AHCY: variants seen among roughly 807,000 people sequenced by gnomAD.
AHCY encodes S-adenosyl-L-homocysteine hydrolase.
Under a neutral mutation model 45.4 loss-of-function variants are expected in AHCY, and 24 were observed. That is an observed-to-expected ratio of 0.53 (90% CI 0.38 to 0.74). The LOEUF is 0.74. Ranked by LOEUF, AHCY falls within the 30% of genes least tolerant of loss-of-function variation. The probability of loss-of-function intolerance (pLI) is 0.00; values close to 1 mark genes in which losing one functional copy is unlikely to be tolerated. For missense variants in AHCY, 449 were observed against 594.1 expected, an observed-to-expected ratio of 0.76 and a Z score of 2.54; for synonymous variants, 245 against 235.1, an observed-to-expected ratio of 1.04 and a Z score of -0.39.
chr20:34,272,047 A>AG, the AHCY span, among the ~76,000 whole-genome samples: 1 of 19,870 alleles, frequency 5.0e-5, no homozygotes, highest in Non-Finnish European at 1.1e-3. Flanking sequence ...ACGTGCCTCC[A>AG]AAAAAAAAAA....
chr20:34,247,931 C>T, the AHCY span, among the ~76,000 whole-genome samples: 3 of 152,086 alleles, frequency 2.0e-5, no homozygotes, highest in African/African-American at 4.8e-5. Flanking sequence ...GAAGGCCGGG[C>T]GCAGTGGCAC....
chr20:34,260,482 G>C, the AHCY span: 1 of 1,614,082 alleles, frequency 6.2e-7, no homozygotes, highest in East Asian at 2.2e-5. Context: ...ACAGGAGCCT[G>C]AGAAGCAACT....
chr20:34,253,482 T>C, the AHCY span, among the ~76,000 whole-genome samples: 4 of 150,866 alleles, frequency 2.7e-5, no homozygotes, highest in Non-Finnish European at 5.9e-5. Flanking sequence ...TTTATTTATT[T>C]ATTTTTTAGA....
rs1391338848 is a variant in AHCY at position 34,292,504 on chromosome 20, T to C, written c.299A>G (p.Tyr100Cys). The C allele has an allele frequency of 6.2e-7, 1 of 1,614,034 alleles. No individual in the cohort carries two copies. The highest frequency in any genetic ancestry group is 8.5e-7 in the Non-Finnish European group (1 of 1,180,036). ...CTCGTCCGTTTCGCCCTTCCAGGCA[T>C]ACACTGGAGGGTGAGTGGCACATCA... is the stretch of plus-strand genomic sequence containing the variant. ...AAIAKAGIPV[Y>C]AWKGETDEEY... is the part of the protein sequence containing the mutation. The change falls in exon 4 of 10, where the codon TAT becomes TGT. Residue 100 changes from tyrosine to cysteine, a missense_variant. Transcript: ENST00000217426.
downstream of AHCY, among the ~76,000 whole-genome samples, chr20:34,277,249 G>C (rs1456672013): frequency 6.6e-6 from 1 of 152,108 alleles, no homozygotes; most frequent in Non-Finnish European, 1.5e-5. Flanking sequence ...ACATGGACTC[G>C]GGTGGGACAC....
the AHCY span, among the ~76,000 whole-genome samples, chr20:34,258,700 A>ATATATATATATATATATACATAC: frequency 1.3e-5 from 1 of 77,918 alleles, no homozygotes; most frequent in Non-Finnish European, 2.4e-5. Context: ...TACATACTAT[A>ATATATATATATATATATACATAC]TATATATATT....
chr20:34,307,239 T>A (rs1158903192), upstream of AHCY, among the ~76,000 whole-genome samples: 1 of 150,240 alleles, frequency 6.7e-6, no homozygotes, highest in African/African-American at 2.5e-5. Context: ...CAGGTGCATG[T>A]CGCTACCACC....
At position 34,291,339 on chromosome 20, in the gene AHCY, C is replaced by T. The variant is rs1312738146; in HGVS notation, c.558+80G>A. 3 of 1,334,050 alleles carry T rather than the reference C, an allele frequency of 2.2e-6. No individual in the cohort carries two copies. In the South Asian group the frequency reaches 3.5e-5, roughly 16 times the overall value. The allele number at this position is 1,334,050 out of a possible 1,614,324, so 82.6% of individuals were successfully genotyped here. Reference sequence around the variant, plus strand: ...AGGGCTTCATGTCCCTAATCTCAGCCTTCCTGGGCACTCTTCTTCAGAGGC... The same window carrying T: ...AGGGCTTCATGTCCCTAATCTCAGCTTTCCTGGGCACTCTTCTTCAGAGGC... On this transcript the variant is annotated intron_variant, in intron 5 of 9. Transcript: ENST00000217426.
At chr20:34,258,697 T>TATATATATATATTATATATATTATAAA in the AHCY span, among the ~76,000 whole-genome samples, 1 of 13,134 alleles carries the variant, frequency 7.6e-5, no homozygotes, top group African/African-American at 1.1e-4. Context: ...ATATACATAC[T>TATATATATATATTATATATATTATAAA]ATATATATAT....
At chr20:34,243,861 G>A in the AHCY span, among the ~76,000 whole-genome samples, 5 of 151,564 alleles carry the variant, frequency 3.3e-5, no homozygotes, top group East Asian at 3.9e-4. Context: ...TCAGGAGATC[G>A]AGACCATCCT....
At chr20:34,248,161 G>A in the AHCY span, among the ~76,000 whole-genome samples, 2 of 151,462 alleles carry the variant, frequency 1.3e-5, no homozygotes, top group Non-Finnish European at 1.5e-5. Flanking sequence ...AGCCAAGATC[G>A]CACCACTGCA....
intron 1 of AHCY, among the ~76,000 whole-genome samples, chr20:34,299,453 A>G (rs2122809889): frequency 6.6e-6 from 1 of 152,298 alleles, no homozygotes. Context: ...TTTAGCTAAC[A>G]GACTTTAGGG....
intron 5 of AHCY, 97 bp downstream of exon 5, chr20:34,291,322 A>G (rs1226654251): frequency 8.6e-7 from 1 of 1,157,166 alleles, no homozygotes; most frequent in Non-Finnish European, 1.3e-6. Context: ...TGAGGGCTTC[A>G]TGTCCCTAAT....
At chr20:34,273,924 T>G in the AHCY span, among the ~76,000 whole-genome samples, 84 of 152,314 alleles carry the variant, frequency 5.5e-4, no homozygotes, top group African/African-American at 1.9e-3. Context: ...TGCAGAGAAA[T>G]AGAAGCTCTC....
downstream of AHCY, among the ~76,000 whole-genome samples, chr20:34,278,478 T>A (rs1041480805): frequency 2.0e-5 from 3 of 152,148 alleles, no homozygotes; most frequent in Non-Finnish European, 4.4e-5. Context: ...CAGCCTCTCC[T>A]TTTTTCTACT....
At chr20:34,253,350 C>A in the AHCY span, among the ~76,000 whole-genome samples, 1,955 of 152,038 alleles carry the variant, frequency 0.013, 37 homozygotes, top group African/African-American at 0.045. Flanking sequence ...TCATGATCCG[C>A]CTGCCTCAGC....
chr20:34,283,214 A>T (rs192411181), intron 9 of AHCY, among the ~76,000 whole-genome samples: 4 of 152,106 alleles, frequency 2.6e-5, no homozygotes, highest in Admixed American at 2.6e-4. Flanking sequence ...CCTGAACCAG[A>T]AGGTGTGTGT....
At chr20:34,258,325 A>G in the AHCY span, among the ~76,000 whole-genome samples, 1 of 150,218 alleles carries the variant, frequency 6.7e-6, no homozygotes, top group African/African-American at 2.5e-5. Context: ...TGTGGAACAC[A>G]TAGGGTCTCC....
At chr20:34,235,837 GAAA>G in the AHCY span, among the ~76,000 whole-genome samples, 99 of 59,750 alleles carry the variant, frequency 1.7e-3, no homozygotes, top group African/African-American at 8.2e-3. Context: ...AAGAAAGAAA[GAAA>G]GAAGGAAGGA....
Sources: gnomAD v4.1 joint callset for allele counts (sites outside exome capture counted in the v4.1 genomes callset) on GRCh38, gnomAD v4.1.1 for gene constraint, MANE v1.5 for transcripts, NCBI Gene and HGNC (gene_info 2026-07-23, HGNC 2026-07-21) for gene names.